Variants in PLEKHG1 observed in about 807,000 individuals in gnomAD.
PLEKHG1 encodes the protein pleckstrin homology domain-containing family G member 1.
Under a neutral mutation model 100.8 loss-of-function variants are expected in PLEKHG1, and 44 were observed. The observed-to-expected ratio is 0.44, with a 90% CI of 0.34 to 0.56. The LOEUF is 0.56. Among genes scored for constraint, PLEKHG1 ranks in the 20% least tolerant of loss-of-function variants. The pLI, the probability that PLEKHG1 is intolerant of heterozygous loss-of-function variation, is 0.01. For synonymous variants in PLEKHG1, 640 were observed against 662.5 expected (o/e 0.97, Z 0.52); for missense variants, 1,545 against 1,720.9 (o/e 0.90, Z 1.81).
chr6:150,785,871 G>A (rs1403316523), intron 3 of PLEKHG1, among the ~76,000 whole-genome samples: 1 of 152,054 alleles, frequency 6.6e-6, no homozygotes, highest in Non-Finnish European at 1.5e-5. Flanking sequence ...GTGCATGCGT[G>A]GGATCTAGGT....
chr6:150,706,696 T>C (rs1376347328), intron 3 of PLEKHG1, among the ~76,000 whole-genome samples: 2 of 151,944 alleles, frequency 1.3e-5, no homozygotes, highest in African/African-American at 4.8e-5. Flanking sequence ...TAATTGCTTC[T>C]TCTATCTTAA....
At chr6:150,614,479 C>T (rs1004458502) in intron 1 of PLEKHG1, among the ~76,000 whole-genome samples, 4 of 151,068 alleles carry the variant, frequency 2.6e-5, no homozygotes, top group East Asian at 1.9e-4. Flanking sequence ...AGTGCTTGGC[C>T]GTTAGCAGCT....
At chr6:150,754,586 G>T (rs1338745570) in intron 2 of PLEKHG1, among the ~76,000 whole-genome samples, 1 of 152,004 alleles carries the variant, frequency 6.6e-6, no homozygotes, top group East Asian at 1.9e-4. Context: ...GGTGGGAGAG[G>T]AGAGGCGGGA....
intron 3 of PLEKHG1, among the ~76,000 whole-genome samples, chr6:150,690,315 A>G (rs1174237265): frequency 6.6e-6 from 1 of 151,854 alleles, no homozygotes; most frequent in African/African-American, 2.4e-5. Context: ...CCCATCACCC[A>G]AGCAGCATAC....
At chr6:150,805,623 G>C (rs1787031099) in intron 7 of PLEKHG1, among the ~76,000 whole-genome samples, 1 of 152,172 alleles carries the variant, frequency 6.6e-6, no homozygotes, top group South Asian at 2.1e-4. Flanking sequence ...CGGCTCCCGG[G>C]TTCAAGCGAT....
At chr6:150,677,283 T>TACGCACACAC (rs756621195) in intron 3 of PLEKHG1, among the ~76,000 whole-genome samples, 10,820 of 134,134 alleles carry the variant, frequency 0.081, 450 homozygotes, top group South Asian at 0.14. Flanking sequence ...TTTCTTCCCC[T>TACGCACACAC]ATACACACAC....
At position 150,769,602 on chromosome 6, in the gene PLEKHG1, AAG is replaced by A. The variant is rs1554270479; in HGVS notation, c.512+866_512+867del. Among the ~76,000 whole-genome samples the A allele has an allele frequency of 2.7e-5, 4 of 148,546 alleles. No individual in the cohort carries two copies. The East Asian group carries it at 6.2e-4, about 23-fold the overall frequency. On this transcript the variant is annotated intron_variant, in intron 3 of 15. Transcript: ENST00000358517. ...TCCATCTCAAAAAAAAAAAAAAAAAAAGAAAGAAAAAAGAAAAAGAAAAACAT... is the reference window on the plus strand; with the variant it reads ...TCCATCTCAAAAAAAAAAAAAAAAAAAAAGAAAAAAGAAAAAGAAAAACAT...
intron 3 of PLEKHG1, among the ~76,000 whole-genome samples, chr6:150,658,231 G>A (rs188100717): frequency 1.3e-5 from 2 of 152,272 alleles, no homozygotes; most frequent in Non-Finnish European, 1.5e-5. Flanking sequence ...AGGAAAGCCT[G>A]TTCTAGAGGA....
chr6:150,731,606 ATTC>A (rs764961208), intron 1 of PLEKHG1, among the ~76,000 whole-genome samples: 2 of 152,170 alleles, frequency 1.3e-5, no homozygotes, highest in African/African-American at 2.4e-5. Context: ...ATTACTATGT[ATTC>A]TTTTTACTGT....
At chr6:150,769,427 C>G (rs1784601599) in intron 3 of PLEKHG1, among the ~76,000 whole-genome samples, 2 of 151,330 alleles carry the variant, frequency 1.3e-5, no homozygotes, top group African/African-American at 4.9e-5. Context: ...ACTAAAAATA[C>G]AAAAATTAGC....
At chr6:150,817,554 A>ATTTTTTTTT (rs774464059) in intron 10 of PLEKHG1, among the ~76,000 whole-genome samples, 1 of 115,570 alleles carries the variant, frequency 8.7e-6, no homozygotes, top group African/African-American at 3.6e-5. Flanking sequence ...AAGAATCTGC[A>ATTTTTTTTT]TTTTTTTTTT....
In PLEKHG1 at chr6:150,811,992, C is replaced by T. The variant is rs543858689; in HGVS notation, c.1278+2258C>T. On this transcript the variant is annotated intron_variant, in intron 10 of 15. Coordinates refer to ENST00000358517, the Ensembl canonical transcript of PLEKHG1. ...GAGCAGTGCTGCCGTGGAGCCACAG[C>T]GACAGAGGGAACAAATGCAGAAAGT... Among the ~76,000 whole-genome samples, 17 of 152,180 alleles carry T rather than the reference C, an allele frequency of 1.1e-4. No individual in the cohort carries two copies. The South Asian group carries it at 3.3e-3, about 30-fold the overall frequency.
chr6:150,629,301 G>A (rs1224625151), intron 1 of PLEKHG1, among the ~76,000 whole-genome samples: 1 of 152,164 alleles, frequency 6.6e-6, no homozygotes, highest in Non-Finnish European at 1.5e-5. Context: ...ATTCTACATT[G>A]CGGCAACATT....
At chr6:150,818,036 A>C (rs1279672124) in intron 10 of PLEKHG1, 147 bp from the exon 12 acceptor site, 58 of 676,402 alleles carry the variant, frequency 8.6e-5, no homozygotes, top group South Asian at 4.7e-4. Context: ...AATTCCCTGC[A>C]CTGTGTGTAA....
intron 15 of PLEKHG1, among the ~76,000 whole-genome samples, chr6:150,837,833 C>G (rs186366997): frequency 1.2e-3 from 185 of 152,320 alleles, no homozygotes; most frequent in Non-Finnish European, 2.1e-3. Context: ...TTGCTAAACC[C>G]TAATTAGTAT....
intron 3 of PLEKHG1, among the ~76,000 whole-genome samples, chr6:150,687,977 G>T (rs1416619099): frequency 6.6e-6 from 1 of 152,192 alleles, no homozygotes; most frequent in Non-Finnish European, 1.5e-5. Context: ...TATTCAAGAA[G>T]AGTCCAGCCA....
Position 150,807,564 on chromosome 6 carries a change from C to T in PLEKHG1, c.913-1541C>T, listed in dbSNP as rs182075966. ...CACTGATATTCATATACAATAAATC[C>T]CACATAAATGTCAAAGTCATGTTAG... On this transcript the variant is annotated intron_variant, in intron 7 of 15. Transcript: ENST00000358517. Among the ~76,000 whole-genome samples, 422 of 152,208 alleles carry T rather than the reference C, an allele frequency of 2.8e-3. 2 individuals are homozygous for T. The highest frequency in any genetic ancestry group is 3.9e-3 in the Non-Finnish European group (265 of 68,020).
chr6:150,838,359 C>T (rs2128693358), intron 15 of PLEKHG1, among the ~76,000 whole-genome samples: 1 of 152,292 alleles, frequency 6.6e-6, no homozygotes, highest in Admixed American at 6.5e-5. Flanking sequence ...GAATGTGGCC[C>T]AACACAAATC....
chr6:150,720,452 AC>A (rs1486936804), upstream of PLEKHG1, among the ~76,000 whole-genome samples: 2 of 152,218 alleles, frequency 1.3e-5, no homozygotes, highest in Non-Finnish European at 2.9e-5. Context: ...GCATGTACAT[AC>A]CAATTTTAGG....
Sources: gnomAD v4.1 joint callset for allele counts (sites outside exome capture counted in the v4.1 genomes callset) on GRCh38, gnomAD v4.1.1 for gene constraint, MANE v1.5 for transcripts, NCBI Gene and HGNC (gene_info 2026-07-23, HGNC 2026-07-21) for gene names.